The following PCDHGA7 variants were observed in gnomAD, a reference collection of about 807,000 sequenced individuals.
PCDHGA7 encodes the protein protocadherin gamma subfamily A, 7.
In PCDHGA7, 44 loss-of-function variants were observed where a neutral mutation model predicts 58.3. That is an observed-to-expected ratio of 0.75 (90% CI 0.59 to 0.97). PCDHGA7 has a LOEUF of 0.97. Among genes scored for constraint, PCDHGA7 ranks in the 50% least tolerant of loss-of-function variants. The pLI, the probability that PCDHGA7 is intolerant of heterozygous loss-of-function variation, is 0.00. For synonymous variants in PCDHGA7, 516 were observed against 504.2 expected (o/e 1.02, Z -0.31); for missense variants, 1,266 against 1,188.7 (o/e 1.06, Z -0.96).
chr5:141,409,259 T>C lies in PCDHGA7; in HGVS notation c.2424+23936T>C, dbSNP rs370130162. ...CCCAGAAATAATCATCACTTCTCTC[T>C]CTGATCAGATTTTGGAGAATTCACC... is the stretch of plus-strand genomic sequence containing the variant. On this transcript the variant is annotated intron_variant, in intron 1 of 3. Coordinates refer to ENST00000518325, the MANE Select transcript of PCDHGA7 (RefSeq NM_018920.4). The C allele has an allele frequency of 1.9e-6, 3 of 1,614,012 alleles. No individual in the cohort carries two copies. Among genetic ancestry groups the C allele is most frequent in the South Asian group, 2.2e-5 (2 of 91,082 alleles).
Position 141,489,640 on chromosome 5 carries a change from G to A in PCDHGA7, c.2425-5167G>A. The A allele has an allele frequency of 1.2e-6, 2 of 1,614,146 alleles. No individual in the cohort carries two copies. Among genetic ancestry groups the A allele is most frequent in the Non-Finnish European group, 1.7e-6 (2 of 1,180,010 alleles). Reference sequence around the variant, plus strand: ...TCTCAATGACAACTCTCCTAGCTTTGCCACCCCTGAGCGAGAGATGCGCAT... The same window carrying A: ...TCTCAATGACAACTCTCCTAGCTTTACCACCCCTGAGCGAGAGATGCGCAT... On this transcript the variant is annotated intron_variant, in intron 1 of 3. Transcript: ENST00000518325. The surrounding 1 kb of genome is among the most constrained non-coding windows in gnomAD (Gnocchi z 4.5).
chr5:141,410,206 G>T (rs774541712), intron 1 of PCDHGA7: 2 of 1,614,026 alleles, frequency 1.2e-6, no homozygotes, highest in South Asian at 1.1e-5. Context: ...CAGACAACTT[G>T]CAAGAGATAC....
chr5:141,482,891 G>A (rs1594277958), intron 1 of PCDHGA7, among the ~76,000 whole-genome samples: 2 of 152,168 alleles, frequency 1.3e-5, no homozygotes, highest in East Asian at 3.8e-4. Flanking sequence ...GGCCAACATG[G>A]TGAAACCTCA....
chr5:141,499,122 A>G (rs971741957), intron 2 of PCDHGA7, among the ~76,000 whole-genome samples: 3 of 152,140 alleles, frequency 2.0e-5, no homozygotes, highest in African/African-American at 7.2e-5. Context: ...ATCCCTTCTC[A>G]GGTCATCCTT....
intron 1 of PCDHGA7, among the ~76,000 whole-genome samples, chr5:141,448,521 GCATCCTGTCAGCATTTC>G (rs1378426350): frequency 1.3e-5 from 2 of 151,994 alleles, no homozygotes; most frequent in Non-Finnish European, 2.9e-5. Flanking sequence ...ACTTTATTAA[GCATCCTGTCAGCATTTC>G]TTATGCAAAT....
At chr5:141,469,790 T>G (rs956670031) in intron 1 of PCDHGA7, among the ~76,000 whole-genome samples, 2 of 152,224 alleles carry the variant, frequency 1.3e-5, no homozygotes, top group African/African-American at 4.8e-5. Context: ...GCGTTATTTG[T>G]AATTGCAAAA....
chr5:141,387,978 C>T, intron 1 of PCDHGA7: 1 of 1,487,640 alleles, frequency 6.7e-7, no homozygotes, highest in Non-Finnish European at 9.1e-7. Flanking sequence ...GCTCTGTGAG[C>T]AGATCCGCTA....
intron 2 of PCDHGA7, among the ~76,000 whole-genome samples, chr5:141,500,928 G>A (rs2099803943): frequency 6.6e-6 from 1 of 151,476 alleles, no homozygotes; most frequent in African/African-American, 2.4e-5. Context: ...GGGTGCAGTG[G>A]CGCCATCTCG....
chr5:141,452,303 G>C (rs1271182127), intron 1 of PCDHGA7, among the ~76,000 whole-genome samples: 1 of 152,048 alleles, frequency 6.6e-6, no homozygotes, highest in Non-Finnish European at 1.5e-5. Flanking sequence ...GAAAATATTA[G>C]AGACTCATAC....
intron 1 of PCDHGA7, chr5:141,404,248 G>T (rs1404333144): frequency 6.2e-7 from 1 of 1,613,694 alleles, no homozygotes; most frequent in South Asian, 1.1e-5. Flanking sequence ...CTCCGCCCCT[G>T]TCCACAGAAA....
At position 141,418,594 on chromosome 5, in the gene PCDHGA7, C is replaced by G. The variant is rs775489120; in HGVS notation, c.2424+33271C>G. 2.9e-5 allele frequency: 47 copies of G among 1,613,904 alleles called. No individual in the cohort carries two copies. In the South Asian group the frequency reaches 4.6e-4, roughly 16 times the overall value. On this transcript the variant is annotated intron_variant, in intron 1 of 3. Transcript: ENST00000518325. ...ACAACCCCCCAGTGTTCAGCCAGGA[C>G]GTGTACAGGGTTAGCCTTCGGGAAG...
intron 1 of PCDHGA7, chr5:141,400,337 C>T: frequency 6.2e-7 from 1 of 1,614,080 alleles, no homozygotes; most frequent in Non-Finnish European, 8.5e-7. Context: ...GTGGTTCCCC[C>T]CAACTACAGT....
intron 2 of PCDHGA7, among the ~76,000 whole-genome samples, chr5:141,499,738 A>G (rs1284003023): frequency 2.4e-5 from 3 of 127,268 alleles, no homozygotes; most frequent in South Asian, 2.4e-4. Flanking sequence ...TCTCTTGCCC[A>G]GGCTGTGGCA....
intron 1 of PCDHGA7, chr5:141,419,732 G>A (rs2096422854): frequency 6.2e-7 from 1 of 1,613,792 alleles, no homozygotes; most frequent in Non-Finnish European, 8.5e-7. Flanking sequence ...GCGAACAGGC[G>A]AGGTGCGCAT....
At chr5:141,406,989 T>C (rs1402069577) in intron 1 of PCDHGA7, among the ~76,000 whole-genome samples, 2 of 152,236 alleles carry the variant, frequency 1.3e-5, no homozygotes, top group Non-Finnish European at 2.9e-5. Context: ...TCACAAGACA[T>C]TTGAAAATAA....
At chr5:141,421,461 G>C (rs1216014695) in intron 1 of PCDHGA7, 2 of 1,614,034 alleles carry the variant, frequency 1.2e-6, no homozygotes, top group Non-Finnish European at 8.5e-7. Context: ...TTTTCGCTGT[G>C]AATCCGCGAA....
At chr5:141,458,907 A>AT (rs759653270) in intron 1 of PCDHGA7, among the ~76,000 whole-genome samples, 1 of 151,752 alleles carries the variant, frequency 6.6e-6, no homozygotes, top group Non-Finnish European at 1.5e-5. Context: ...AATTTTTTCT[A>AT]TTTTTTGTGG....
At chr5:141,426,657 A>G (rs1369635444) in intron 1 of PCDHGA7, 2 of 425,278 alleles carry the variant, frequency 4.7e-6, no homozygotes, top group Non-Finnish European at 9.7e-6. Flanking sequence ...GATAGAAGAT[A>G]TAAATGATAA....
At chr5:141,425,258 G>T (rs965944291) in intron 1 of PCDHGA7, among the ~76,000 whole-genome samples, 2 of 152,134 alleles carry the variant, frequency 1.3e-5, no homozygotes, top group Non-Finnish European at 2.9e-5. Context: ...GAGGTATTTG[G>T]CTGGGAAAAG....
Sources: allele counts gnomAD v4.1 joint callset (sites outside exome capture counted in the v4.1 genomes callset), GRCh38; gene constraint gnomAD v4.1.1; non-coding constraint Gnocchi (gnomAD v3.1); transcripts MANE v1.5; gene names NCBI Gene and HGNC (gene_info 2026-07-23, HGNC 2026-07-21).